VKORC1L1: variants seen among roughly 807,000 people sequenced by gnomAD.
VKORC1L1 encodes vitamin K epoxide reductase complex subunit 1-like protein 1.
VKORC1L1 carries 2 observed loss-of-function variants against 18.9 expected under a neutral mutation model. The ratio of observed to expected loss-of-function variants is 0.11; its 90% CI spans 0.04 to 0.33. VKORC1L1 has a LOEUF of 0.33. VKORC1L1 is among the 10% of genes least tolerant of loss of function. The pLI is 1.00. For missense variants in VKORC1L1, 123 were observed against 224.1 expected (o/e 0.55, Z 2.88); for synonymous variants, 96 against 100.0 (o/e 0.96, Z 0.24).
chr7:65,873,956 G>T lies in VKORC1L1; in HGVS notation c.194+391G>T, dbSNP rs568982276. 1.2e-4 allele frequency among the ~76,000 whole-genome samples: 18 copies of T among 152,288 alleles called. No homozygotes were observed. In the East Asian group the frequency reaches 3.5e-3, roughly 29 times the overall value. ...GGTTCTCGGGAGGCGGGCCGGGGGT[G>T]TGGGACCTTGTCCACCGCACCCTTG... On this transcript the variant is annotated intron_variant, in intron 1 of 2. Transcript: ENST00000360768.
chr7:65,918,600 C>A (rs1789626214), intron 1 of VKORC1L1, among the ~76,000 whole-genome samples: 1 of 152,184 alleles, frequency 6.6e-6, no homozygotes, highest in African/African-American at 2.4e-5. Flanking sequence ...GTGTCAGTAA[C>A]ACATGCACAG....
intron 1 of VKORC1L1, among the ~76,000 whole-genome samples, chr7:65,923,294 T>C (rs983596121): frequency 6.7e-6 from 1 of 150,336 alleles, no homozygotes; most frequent in Non-Finnish European, 1.5e-5. Context: ...TCCAGCTACT[T>C]GGGAGGCTGA....
At chr7:65,905,090 G>C (rs1326817059) in intron 1 of VKORC1L1, among the ~76,000 whole-genome samples, 2 of 151,812 alleles carry the variant, frequency 1.3e-5, no homozygotes, top group Non-Finnish European at 2.9e-5. Context: ...TACAAATGCA[G>C]GTGTATACAC....
In VKORC1L1 at chr7:65,954,223, C is replaced by T; in HGVS notation, c.454C>T (p.Leu152Phe). The T allele has an allele frequency of 6.2e-7, 1 of 1,614,130 alleles. No homozygotes were observed. The highest frequency in any genetic ancestry group is 8.5e-7 in the Non-Finnish European group (1 of 1,180,016). Residue 152 changes from leucine to phenylalanine, a missense_variant, in exon 3 of 3, where the codon CTT becomes TTT. Leu to Phe is a conservative substitution (Grantham distance 22). Transcript: ENST00000360768. ...CGTCACGTACGTGCTGAACTTCCTT[C>T]TTCTCATTATCAACTACAAACGACT... ...CIVTYVLNFL[L>F]LIINYKRLVY...
Position 65,873,600 on chromosome 7 carries a change from G to C in VKORC1L1, c.194+35G>C. ...TTGGGGGAGTGGGCCAGGAGCGGCC[G>C]AGCGGGGCGAGGGTGGAGTCTCGGG... On this transcript the variant is annotated intron_variant, in intron 1 of 2. Transcript: ENST00000360768. 5 of 1,470,744 alleles carry C rather than the reference G, an allele frequency of 3.4e-6. No homozygotes were observed. The South Asian group carries it at 6.3e-5, about 19-fold the overall frequency. The allele number at this position is 1,470,744 out of a possible 1,614,324, so 91.1% of individuals were successfully genotyped here.
intron 1 of VKORC1L1, among the ~76,000 whole-genome samples, chr7:65,941,698 T>G (rs1790036823): frequency 9.3e-6 from 1 of 107,220 alleles, no homozygotes; most frequent in Non-Finnish European, 1.9e-5. Flanking sequence ...TTTTTTTTTT[T>G]GAGAGTTTTG....
intron 1 of VKORC1L1, among the ~76,000 whole-genome samples, chr7:65,897,284 T>C (rs1169547549): frequency 6.6e-6 from 1 of 152,204 alleles, no homozygotes; most frequent in East Asian, 1.9e-4. Flanking sequence ...ATTGAAACTA[T>C]ACTGAAAGCA....
intron 1 of VKORC1L1, among the ~76,000 whole-genome samples, chr7:65,897,856 C>T (rs944525856): frequency 4.2e-4 from 64 of 152,078 alleles, no homozygotes; most frequent in African/African-American, 1.5e-3. Context: ...TCACACATCA[C>T]ACAATCACAC....
At chr7:65,936,113 T>C (rs1462143418) in intron 1 of VKORC1L1, among the ~76,000 whole-genome samples, 1 of 152,090 alleles carries the variant, frequency 6.6e-6, no homozygotes, top group Non-Finnish European at 1.5e-5. Context: ...TCAGATCTTA[T>C]ATTTTTTAGT....
chr7:65,887,219 T>G (rs985400194), intron 1 of VKORC1L1, among the ~76,000 whole-genome samples: 1 of 152,110 alleles, frequency 6.6e-6, no homozygotes, highest in African/African-American at 2.4e-5. Flanking sequence ...TGCCATATGC[T>G]TGTATCATCT....
At chr7:65,946,950 A>G (rs867167524) in intron 1 of VKORC1L1, among the ~76,000 whole-genome samples, 5 of 151,938 alleles carry the variant, frequency 3.3e-5, no homozygotes, top group Admixed American at 1.3e-4. Flanking sequence ...GCCTTGGCAC[A>G]TGGCAAAGCT....
At chr7:65,876,996 ATGATGGTGCCAC>A (rs1788837951) in intron 1 of VKORC1L1, among the ~76,000 whole-genome samples, 1 of 152,180 alleles carries the variant, frequency 6.6e-6, no homozygotes, top group Non-Finnish European at 1.5e-5. Flanking sequence ...GCAGTGAGCC[ATGATGGTGCCAC>A]TGCACTCCAG....
intron 1 of VKORC1L1, among the ~76,000 whole-genome samples, chr7:65,897,084 G>T (rs1789226428): frequency 6.6e-6 from 1 of 152,180 alleles, no homozygotes; most frequent in Non-Finnish European, 1.5e-5. Flanking sequence ...TGATAAGCTG[G>T]GAAGAAATAG....
intron 1 of VKORC1L1, among the ~76,000 whole-genome samples, chr7:65,891,169 G>A (rs1283738322): frequency 6.7e-6 from 1 of 148,670 alleles, no homozygotes; most frequent in Admixed American, 6.7e-5. Flanking sequence ...TTCTTGCTGA[G>A]TTCTGTTGTA....
chr7:65,923,816 G>T (rs1257618133), intron 1 of VKORC1L1, among the ~76,000 whole-genome samples: 1 of 152,188 alleles, frequency 6.6e-6, no homozygotes, highest in Admixed American at 6.5e-5. Context: ...GATTTCAGAG[G>T]ACAGAGCTGA....
intron 1 of VKORC1L1, among the ~76,000 whole-genome samples, chr7:65,896,248 T>C (rs1187314517): frequency 6.6e-6 from 1 of 152,088 alleles, no homozygotes; most frequent in African/African-American, 2.4e-5. Flanking sequence ...GATTTATTTA[T>C]GTTGTATATT....
In VKORC1L1 at chr7:65,955,297, G is replaced by A. The variant is rs996537024; in HGVS notation, c.*997G>A. 3 of 152,172 alleles carry A rather than the reference G, an allele frequency of 2.0e-5. No homozygotes were observed. Among genetic ancestry groups the A allele is most frequent in the African/African-American group, 4.8e-5 (2 of 41,422 alleles). 9.4% of individuals were successfully genotyped at this position (152,172 alleles called of 1,614,324 possible). ...AAGAGTATTATGATGGAAAAGACCA[G>A]TCCAAGCCCCATCGCTCCGGAGTGG... On this transcript the variant is annotated 3_prime_UTR_variant, in exon 3 of 3. Transcript: ENST00000360768.
upstream of VKORC1L1, among the ~76,000 whole-genome samples, chr7:65,869,534 C>T (rs893813307): frequency 1.1e-4 from 16 of 150,620 alleles, no homozygotes; most frequent in African/African-American, 3.7e-4. Context: ...CTGAGAAAGA[C>T]GTGGGATGAT....
In VKORC1L1 at chr7:65,901,182, G is replaced by A. The variant is rs115174323; in HGVS notation, c.194+27617G>A. On this transcript the variant is annotated intron_variant, in intron 1 of 2. Transcript: ENST00000360768. ...TTCGGTGTTATAAAGAGGTAGAGCT[G>A]GATGAAGACTAAGCATTTAAATACT... is the stretch of plus-strand genomic sequence containing the variant. Among the ~76,000 whole-genome samples the A allele has an allele frequency of 9.2e-3, 1,406 of 152,300 alleles. 24 individuals carry two copies. The highest frequency in any genetic ancestry group is 0.03 in the African/African-American group (1,267 of 41,562).
Sources: allele counts gnomAD v4.1 joint callset (sites outside exome capture counted in the v4.1 genomes callset), GRCh38; gene constraint gnomAD v4.1.1; transcripts MANE v1.5; gene names NCBI Gene and HGNC (gene_info 2026-07-23, HGNC 2026-07-21).